Variants in MACF1 observed in about 807,000 individuals in gnomAD.
The protein encoded by MACF1 is microtubule actin crosslinking factor 1.
In MACF1, 193 loss-of-function variants were observed where a neutral mutation model predicts 854.8. The observed-to-expected ratio is 0.23, with a 90% confidence interval of 0.20 to 0.25. The LOEUF (loss-of-function observed/expected upper bound fraction) is 0.25, where lower values mean the gene tolerates loss of function less well. Ranked by LOEUF, MACF1 falls within the 10% of genes least tolerant of loss-of-function variation. The pLI, the probability that MACF1 is intolerant of heterozygous loss-of-function variation, is 1.00. For missense variants in MACF1, 7,722 were observed against 8,929.1 expected (o/e 0.86, Z 5.45); for synonymous variants, 3,185 against 3,226.7 (o/e 0.99, Z 0.44).
intron 1 of MACF1, among the ~76,000 whole-genome samples, chr1:39,217,600 C>T (rs1312702011): frequency 1.3e-5 from 2 of 152,044 alleles, no homozygotes; most frequent in East Asian, 1.9e-4. Context: ...CTAAATCAGC[C>T]GGGTGTGGTG....
intron 95 of MACF1, among the ~76,000 whole-genome samples, chr1:39,466,623 T>G (rs768283334): frequency 1.1e-4 from 17 of 152,126 alleles, no homozygotes; most frequent in Non-Finnish European, 2.4e-4. Context: ...TGCTCTTGGG[T>G]GGAATCCTCC....
chr1:39,267,971 T>C (rs1233745772), intron 6 of MACF1, among the ~76,000 whole-genome samples: 1 of 152,278 alleles, frequency 6.6e-6, no homozygotes, highest in Non-Finnish European at 1.5e-5. Context: ...CTTCAGGTTA[T>C]AATTTCATTA....
chr1:39,097,328 T>C (rs1226647870), intron 2 of MACF1, among the ~76,000 whole-genome samples: 1 of 152,182 alleles, frequency 6.6e-6, no homozygotes, highest in Non-Finnish European at 1.5e-5. Context: ...TATCTGGTTC[T>C]GTTCTGCCAG....
intron 64 of MACF1, among the ~76,000 whole-genome samples, chr1:39,429,608 C>T (rs1030401945): frequency 1.3e-5 from 2 of 152,118 alleles, no homozygotes; most frequent in Non-Finnish European, 2.9e-5. Context: ...AAACACTTGA[C>T]GCTGAACTCA....
intron 42 of MACF1, 60 bp from the exon 43 acceptor site, chr1:39,350,725 T>G: frequency 8.3e-7 from 1 of 1,204,246 alleles, no homozygotes; most frequent in Non-Finnish European, 1.2e-6. Context: ...CTTTATACCA[T>G]TAGAGGACTT....
At chr1:39,400,127 G>A (rs927937004) in intron 58 of MACF1, among the ~76,000 whole-genome samples, 22 of 152,096 alleles carry the variant, frequency 1.4e-4, no homozygotes, top group African/African-American at 4.3e-4. Context: ...AGAAAGAAAT[G>A]TGCTACTTCT....
intron 2 of MACF1, among the ~76,000 whole-genome samples, chr1:39,085,131 T>C: frequency 6.6e-6 from 1 of 152,198 alleles, no homozygotes; most frequent in East Asian, 1.9e-4. Context: ...TGCTGGATCG[T>C]GGCCCTGCCA....
At chr1:39,181,994 T>C (rs1357598207) in intron 2 of MACF1, among the ~76,000 whole-genome samples, 2 of 151,538 alleles carry the variant, frequency 1.3e-5, no homozygotes, top group Non-Finnish European at 2.9e-5. Context: ...CTACTAAAAA[T>C]ACAAAAATTA....
rs934199503 is a variant in MACF1, at chr1:39,109,551, A to C, written c.220+25113A>C. ...CAGCCTCCCAAAGTGCTGGGATTACAGGCGTGAGCCATTGCACCTGGCCTA... is the reference window on the plus strand; with the variant it reads ...CAGCCTCCCAAAGTGCTGGGATTACCGGCGTGAGCCATTGCACCTGGCCTA... On this transcript the variant is annotated intron_variant, in intron 2 of 93. Transcript: ENST00000361689. 1.1e-4 allele frequency among the ~76,000 whole-genome samples: 16 copies of C among 151,348 alleles called. No individual in the cohort carries two copies. The East Asian group carries it at 3.1e-3, about 29-fold the overall frequency.
intron 2 of MACF1, among the ~76,000 whole-genome samples, chr1:39,118,583 C>T (rs1440827239): frequency 1.3e-5 from 2 of 152,152 alleles, no homozygotes; most frequent in East Asian, 1.9e-4. Flanking sequence ...CATTAGGTGC[C>T]CATCTCTCAG....
intron 35 of MACF1, among the ~76,000 whole-genome samples, chr1:39,326,294 G>A (rs1203344381): frequency 1.3e-5 from 2 of 152,176 alleles, no homozygotes; most frequent in African/African-American, 2.4e-5. Context: ...GATTCAAGAG[G>A]TGGTTACCTT....
intron 52 of MACF1, among the ~76,000 whole-genome samples, chr1:39,377,209 C>T (rs1649797933): frequency 6.6e-6 from 1 of 151,944 alleles, no homozygotes; most frequent in Non-Finnish European, 1.5e-5. Flanking sequence ...TGGGGTTTCA[C>T]CGTATTGCCC....
rs767998186 is a variant in MACF1 at position 39,331,995 on chromosome 1, A to G, written c.5407A>G (p.Ile1803Val). 13 of 1,613,966 alleles carry G rather than the reference A, an allele frequency of 8.1e-6. No homozygotes were observed. The highest frequency in any genetic ancestry group is 6.6e-5 in the South Asian group (6 of 91,078). ...GATTGACCAAGATATGGCCTGTGCT[A>G]TCCTCATAAGGCAGCTTCAGACAGG... The part of the protein sequence containing the change: ...NLIDQDMACA[I>V]LIRQLQTGGI... Residue 1803 changes from isoleucine to valine, a missense_variant, in exon 37 of 101, where the codon ATC becomes GTC. By Grantham distance (29) the Ile-to-Val change is conservative. Around this residue, in one of 15 missense-constraint regions of MACF1, gnomAD observed 1,531 missense variants for 1,601.6 expected, o/e 0.96. Transcript: ENST00000564288.
intron 6 of MACF1, among the ~76,000 whole-genome samples, chr1:39,275,915 T>TG (rs1266214223): frequency 1.1e-4 from 16 of 144,646 alleles, no homozygotes; most frequent in African/African-American, 4.0e-4. Flanking sequence ...TTCATCTGCT[T>TG]CTTCTTCTTC....
Position 39,293,614 on chromosome 1 carries a change from T to C in MACF1, c.2149T>C (p.Phe717Leu). 6.2e-7 allele frequency: 1 copy of C among 1,613,168 alleles called. No individual in the cohort carries two copies. The highest frequency in any genetic ancestry group is 8.5e-7 in the Non-Finnish European group (1 of 1,179,424). Residue 717 changes from phenylalanine (F) to leucine (L), a missense_variant, in exon 18 of 101, where the codon TTC becomes CTC. Physicochemically the swap from Phe to Leu is conservative, Grantham distance 22. Coordinates refer to ENST00000564288, the MANE Select transcript of MACF1 (RefSeq NM_001394062.1). ...NSNISAKRNY[F>L]SELTMELEEK... ...CAATATCTCAGCCAAGAGAAATTAC[T>C]TCTCTGTGAGTCTAGCACAGTAGCA...
chr1:39,460,734 G>A lies in MACF1; in HGVS notation c.21463G>A (p.Asp7155Asn). The change falls in exon 92 of 101, where the codon GAT becomes AAT. Residue 7155 changes from aspartate (D) to asparagine (N), a missense_variant. Around this residue, in one of 15 missense-constraint regions of MACF1, gnomAD observed 153 missense variants for 342.5 expected, o/e 0.45. Coordinates refer to ENST00000564288, the MANE Select transcript of MACF1 (RefSeq NM_001394062.1). The surrounding 1 kb of genome is among the most constrained non-coding windows in gnomAD (Gnocchi z 4.1). ...AGTGATGGATTTCTTCCGGCGCATT[G>A]ATAAGGACCAGGATGGGAAGATAAC... ...SRVMDFFRRI[D>N]KDQDGKITRQ... 6.2e-7 allele frequency: 1 copy of A among 1,614,252 alleles called. No individual in the cohort carries two copies. Among genetic ancestry groups the A allele is most frequent in the Non-Finnish European group, 8.5e-7 (1 of 1,180,034 alleles).
intron 3 of MACF1, among the ~76,000 whole-genome samples, chr1:39,251,561 A>G (rs1645040617): frequency 6.6e-6 from 1 of 152,340 alleles, no homozygotes; most frequent in African/African-American, 2.4e-5. Flanking sequence ...CCATCCAGAT[A>G]TCTCTTTGAC....
At chr1:39,223,839 T>C (rs927406870) in intron 1 of MACF1, among the ~76,000 whole-genome samples, 2 of 152,044 alleles carry the variant, frequency 1.3e-5, no homozygotes, top group African/African-American at 4.8e-5. Context: ...ATTAATAATA[T>C]TGGGAGAATA....
intron 6 of MACF1, chr1:39,269,352 G>T (rs1645274612): frequency 7.8e-7 from 1 of 1,289,718 alleles, no homozygotes; most frequent in Non-Finnish European, 1.0e-6. Flanking sequence ...ATTTTCAGAG[G>T]GCTGGAGTGT....
Sources: gnomAD v4.1 joint callset for allele counts (sites outside exome capture counted in the v4.1 genomes callset) on GRCh38, gnomAD v4.1.1 for gene constraint, gnomAD v4.1.1 regional missense constraint, Gnocchi (gnomAD v3.1) non-coding constraint, MANE v1.5 for transcripts, NCBI Gene and HGNC (gene_info 2026-07-23, HGNC 2026-07-21) for gene names.